Variants in ARPC4 observed in about 807,000 individuals in gnomAD.
ARPC4 encodes the protein actin-related protein 2/3 complex subunit 4.
A neutral mutation model predicts 22.8 loss-of-function variants in ARPC4; 3 were observed. The observed-to-expected ratio is 0.13, with a 90% CI of 0.06 to 0.34. The LOEUF (loss-of-function observed/expected upper bound fraction) is 0.34, where lower values mean the gene tolerates loss of function less well. Among genes scored for constraint, ARPC4 ranks in the 10% least tolerant of loss-of-function variants. The pLI is 1.00. For missense variants in ARPC4, 98 were observed against 211.0 expected (o/e 0.46, Z 3.32); for synonymous variants, 80 against 72.5 (o/e 1.10, Z -0.52).
At chr3:9,802,475 A>G (rs2079031224) in intron 4 of ARPC4, among the ~76,000 whole-genome samples, 1 of 149,582 alleles carries the variant, frequency 6.7e-6, no homozygotes, top group Non-Finnish European at 1.5e-5. Context: ...TCCCGGGTTC[A>G]CGCCATTCTC....
At chr3:9,803,720 G>A in intron 4 of ARPC4, 123 bp from the exon 5 acceptor site, 1 of 1,133,872 alleles carries the variant, frequency 8.8e-7, no homozygotes, top group Non-Finnish European at 1.3e-6. Flanking sequence ...ATGTAGCTTG[G>A]GAGAAGATCA....
chr3:9,796,720 T>C (rs1375226204), intron 1 of ARPC4, among the ~76,000 whole-genome samples: 1 of 152,018 alleles, frequency 6.6e-6, no homozygotes, highest in Non-Finnish European at 1.5e-5. Context: ...GGCGGGCAGA[T>C]TACAAGGTCA....
In ARPC4 at chr3:9,806,643, C is replaced by T. The variant is rs1182490036; in HGVS notation, c.*428C>T. On this transcript the variant is annotated 3_prime_UTR_variant, in exon 6 of 6. Transcript: ENST00000397261. ...CAGAAGGCGACTTATTTTTTCTCTC[C>T]TATGCCACCCCAGGTGGGGAGGGAG... is the stretch of plus-strand genomic sequence containing the variant. 1 of 195,358 alleles carries T rather than the reference C, an allele frequency of 5.1e-6. No homozygotes were observed. Among genetic ancestry groups the T allele is most frequent in the African/African-American group, 2.4e-5 (1 of 42,086 alleles). 12.1% of individuals were successfully genotyped at this position (195,358 alleles called of 1,614,324 possible). A position where few individuals can be genotyped will look rare whatever the true frequency, so the allele number is the denominator to read the frequency against.
At chr3:9,804,480 A>G (rs2079070234) in intron 5 of ARPC4, among the ~76,000 whole-genome samples, 1 of 151,780 alleles carries the variant, frequency 6.6e-6, no homozygotes, top group Non-Finnish European at 1.5e-5. Flanking sequence ...CATCACTTGC[A>G]TGGCGTAAGT....
rs745726771 is a variant in ARPC4, at chr3:9,806,258, A to G, written c.*43A>G. The G allele has an allele frequency of 1.2e-6, 2 of 1,606,032 alleles. No homozygotes were observed. The highest frequency in any genetic ancestry group is 2.2e-5 in the East Asian group (1 of 44,832). The stretch of plus-strand genomic sequence containing the variant: ...CGTGGCCTTCCCCCTCAGACTACCC[A>G]TGTCTCCACGAAGGCGTCCTGGAGT... On this transcript the variant is annotated 3_prime_UTR_variant, in exon 6 of 6. Transcript: ENST00000397261.
intron 2 of ARPC4, chr3:9,798,247 C>G (rs143649201): frequency 6.6e-6 from 1 of 151,710 alleles, no homozygotes; most frequent in Non-Finnish European, 1.4e-5. Flanking sequence ...ATGATTTTCT[C>G]TTATCTAGTT....
Position 9,794,165 on chromosome 3 carries a change from C to T in ARPC4, c.3+1041C>T, listed in dbSNP as rs531709430. Among the ~76,000 whole-genome samples the T allele has an allele frequency of 1.3e-4, 20 of 152,190 alleles. No individual in the cohort carries two copies. The South Asian group carries it at 4.1e-3, about 32-fold the overall frequency. The stretch of plus-strand genomic sequence containing the variant: ...TCTGTTTTATTCATGAAAGGACAGG[C>T]GTCACGGAGCCAGTCACCCTTTTTA... On this transcript the variant is annotated intron_variant, in intron 1 of 5. Transcript: ENST00000397261.
intron 1 of ARPC4, among the ~76,000 whole-genome samples, chr3:9,796,526 A>G (rs1163504110): frequency 1.2e-4 from 18 of 152,224 alleles, no homozygotes; most frequent in Admixed American, 1.2e-3. Flanking sequence ...GACTTAGGCA[A>G]AGAAAGAGGA....
chr3:9,794,667 C>G (rs1397524229), intron 1 of ARPC4, among the ~76,000 whole-genome samples: 3 of 151,812 alleles, frequency 2.0e-5, no homozygotes, highest in Non-Finnish European at 4.4e-5. Context: ...GACAATATAG[C>G]AAGATCCCGT....
intron 1 of ARPC4, among the ~76,000 whole-genome samples, chr3:9,795,809 A>T (rs1353496054): frequency 6.6e-6 from 1 of 152,328 alleles, no homozygotes; most frequent in East Asian, 1.9e-4. Context: ...CAAAGGCATG[A>T]AGGAGGGCAG....
At chr3:9,797,131 G>A (rs189884258) in intron 1 of ARPC4, among the ~76,000 whole-genome samples, 1 of 152,246 alleles carries the variant, frequency 6.6e-6, no homozygotes, top group East Asian at 1.9e-4. Flanking sequence ...TAGAGACAGT[G>A]TTAATCATCT....
chr3:9,804,269 C>T, intron 5 of ARPC4: 1 of 384,100 alleles, frequency 2.6e-6, no homozygotes, highest in East Asian at 4.3e-5. Context: ...CTTGGTCACT[C>T]ATTTCTACAT....
intron 3 of ARPC4, among the ~76,000 whole-genome samples, chr3:9,800,626 T>C (rs2078988306): frequency 6.6e-6 from 1 of 152,076 alleles, no homozygotes; most frequent in African/African-American, 2.4e-5. Context: ...AGTTTCACCA[T>C]GTTTGCCAGG....
intron 1 of ARPC4, among the ~76,000 whole-genome samples, chr3:9,797,112 G>A (rs1368255332): frequency 6.6e-6 from 1 of 152,030 alleles, no homozygotes; most frequent in African/African-American, 2.4e-5. Context: ...CAGTTGAGCT[G>A]TTTGAGGGTA....
At chr3:9,794,086 A>T (rs1408858030) in intron 1 of ARPC4, among the ~76,000 whole-genome samples, 4 of 152,050 alleles carry the variant, frequency 2.6e-5, no homozygotes, top group Non-Finnish European at 5.9e-5. Flanking sequence ...AGTGGGGCAC[A>T]TGCCTCTTGA....
At chr3:9,804,326 A>G (rs1352389439) in intron 5 of ARPC4, 1 of 231,940 alleles carries the variant, frequency 4.3e-6, no homozygotes, top group East Asian at 9.0e-5. Flanking sequence ...TTAAACCCCA[A>G]GTGAGGTAAG....
intron 2 of ARPC4, 39 bp downstream of exon 2, chr3:9,797,816 G>T: frequency 6.3e-7 from 1 of 1,596,802 alleles, no homozygotes. Context: ...GAGGGGTGCA[G>T]CACACAGAGA....
intron 4 of ARPC4, chr3:9,803,507 G>A (rs1177477290): frequency 1.9e-5 from 9 of 479,562 alleles, no homozygotes; most frequent in Admixed American, 1.6e-4. Context: ...TCTCTTCTCT[G>A]GACTAAATGT....
At chr3:9,792,793 A>G (rs2078774015), upstream of ARPC4, 3 of 1,265,154 alleles carry the variant, frequency 2.4e-6, no homozygotes, top group South Asian at 2.8e-5. Context: ...TTGGTGCCCA[A>G]TCTGAAGCTG....
Sources: allele counts gnomAD v4.1 joint callset (sites outside exome capture counted in the v4.1 genomes callset), GRCh38; gene constraint gnomAD v4.1.1; transcripts MANE v1.5; gene names NCBI Gene and HGNC (gene_info 2026-07-23, HGNC 2026-07-21).